Variants in SMG6 observed in about 807,000 individuals in gnomAD.
SMG6 encodes SMG6 nonsense mediated mRNA decay factor, also known as telomerase-binding protein EST1A.
Under a neutral mutation model 142.2 loss-of-function variants are expected in SMG6, and 66 were observed. The ratio of observed to expected loss-of-function variants is 0.46; its 90% CI spans 0.38 to 0.57. The LOEUF (loss-of-function observed/expected upper bound fraction) is 0.57. Ranked by LOEUF, SMG6 falls within the 20% of genes least tolerant of loss-of-function variation. SMG6 has a pLI of 0.00. For synonymous variants in SMG6, 779 were observed against 702.4 expected (o/e 1.11, Z -1.72); for missense variants, 1,793 against 1,832.0 (o/e 0.98, Z 0.39).
intron 8 of SMG6, among the ~76,000 whole-genome samples, chr17:2,275,357 G>A (rs935251382): frequency 2.0e-5 from 3 of 152,158 alleles, no homozygotes; most frequent in African/African-American, 4.8e-5. Context: ...AGGAGGTGGC[G>A]GCTGCAGTGA....
intron 12 of SMG6, among the ~76,000 whole-genome samples, chr17:2,184,959 T>C (rs1470303010): frequency 3.9e-4 from 2 of 5,122 alleles, no homozygotes; most frequent in Admixed American, 5.5e-3. Context: ...GGACTCCATC[T>C]CAAAAAAAAA....
intron 8 of SMG6, among the ~76,000 whole-genome samples, chr17:2,254,198 T>C (rs2074111887): frequency 1.3e-5 from 2 of 152,044 alleles, no homozygotes; most frequent in South Asian, 2.1e-4. Context: ...TCCACCCAAA[T>C]AGTAGGGGAG....
intron 9 of SMG6, among the ~76,000 whole-genome samples, chr17:2,238,032 A>T (rs1004157246): frequency 6.6e-6 from 1 of 152,212 alleles, no homozygotes; most frequent in Middle Eastern, 3.2e-3. Context: ...AAAGATAGAA[A>T]GCAGTTTCAA....
chr17:2,191,781 T>C (rs2072172010), intron 10 of SMG6, among the ~76,000 whole-genome samples: 1 of 152,190 alleles, frequency 6.6e-6, no homozygotes, highest in South Asian at 2.1e-4. Flanking sequence ...CAGGGAGACT[T>C]TCTCGTTTTT....
At chr17:2,185,019 AAC>A (rs1347597787) in intron 12 of SMG6, among the ~76,000 whole-genome samples, 1 of 151,376 alleles carries the variant, frequency 6.6e-6, no homozygotes, top group Non-Finnish European at 1.5e-5. Flanking sequence ...GAGACATGAA[AAC>A]ACAGACATAC....
At chr17:2,262,878 T>C (rs1008763736) in intron 8 of SMG6, among the ~76,000 whole-genome samples, 1 of 152,164 alleles carries the variant, frequency 6.6e-6, no homozygotes, top group African/African-American at 2.4e-5. Flanking sequence ...AGGGAAAAAC[T>C]TGATTTCCTC....
intron 13 of SMG6, among the ~76,000 whole-genome samples, chr17:2,095,549 A>G (rs2068833906): frequency 6.6e-6 from 1 of 152,114 alleles, no homozygotes; most frequent in African/African-American, 2.4e-5. Context: ...AACAAAGGAA[A>G]ATCCCTGTTT....
At chr17:2,136,032 G>GTC (rs1195927204) in intron 13 of SMG6, among the ~76,000 whole-genome samples, 3 of 137,894 alleles carry the variant, frequency 2.2e-5, no homozygotes, top group Non-Finnish European at 4.8e-5. Flanking sequence ...GTGTGTGTGT[G>GTC]TGTGTCTGTG....
At chr17:2,131,293 G>C (rs552143049) in intron 13 of SMG6, among the ~76,000 whole-genome samples, 21 of 140,330 alleles carry the variant, frequency 1.5e-4, no homozygotes, top group African/African-American at 5.4e-4. Context: ...TGCACACTCA[G>C]AAATGATTTT....
At chr17:2,157,531 T>C (rs1418147334) in intron 13 of SMG6, among the ~76,000 whole-genome samples, 2 of 152,084 alleles carry the variant, frequency 1.3e-5, no homozygotes, top group Admixed American at 1.3e-4. Flanking sequence ...GAACCACAAT[T>C]AGAAGCATGC....
In SMG6 at chr17:2,298,828, T is replaced by C. The variant is rs2075202985; in HGVS notation, c.1847+78A>G. 2.1e-6 allele frequency: 3 copies of C among 1,411,044 alleles called. No individual in the cohort carries two copies. In the African/African-American group the frequency reaches 4.3e-5, roughly 20 times the overall value. 87.4% of individuals were successfully genotyped at this position (1,411,044 alleles called of 1,614,324 possible). ...CCCAGTGGCTCAGCTAAAAAGTTTC[T>C]ACCTTCCTCAGCCATAGCAATCTAT... On this transcript the variant is annotated intron_variant, in intron 2 of 18. Coordinates refer to ENST00000263073, the MANE Select transcript of SMG6 (RefSeq NM_017575.5).
intron 6 of SMG6, among the ~76,000 whole-genome samples, chr17:2,291,057 T>C (rs527454793): frequency 4.7e-4 from 72 of 152,098 alleles, no homozygotes; most frequent in African/African-American, 1.4e-3. Context: ...CATGGCCAGG[T>C]GCGGTGGCTC....
At chr17:2,231,874 T>C (rs2073506487) in intron 10 of SMG6, among the ~76,000 whole-genome samples, 2 of 152,072 alleles carry the variant, frequency 1.3e-5, no homozygotes, top group Non-Finnish European at 2.9e-5. Context: ...CAAAGCTAAA[T>C]GGATGTATGT....
At chr17:2,202,126 G>T (rs1305110927) in intron 10 of SMG6, among the ~76,000 whole-genome samples, 1 of 152,214 alleles carries the variant, frequency 6.6e-6, no homozygotes, top group Non-Finnish European at 1.5e-5. Context: ...AATGTTCATA[G>T]CAGTTTTACT....
intron 2 of SMG6, 82 bp downstream of exon 2, chr17:2,298,824 T>C: frequency 7.2e-7 from 1 of 1,384,932 alleles, no homozygotes; most frequent in South Asian, 1.4e-5. Context: ...AGCTAAAAAG[T>C]TTCTACCTTC....
At position 2,300,044 on chromosome 17, in the gene SMG6, T is replaced by G; in HGVS notation, c.709A>C (p.Arg237=). 1.9e-6 allele frequency: 3 copies of G among 1,614,172 alleles called. No homozygotes were observed. The highest frequency in any genetic ancestry group is 2.5e-6 in the Non-Finnish European group (3 of 1,180,026). ...GAGTAGCGCTTTGCGGAGCCCGGCCTCCCGCGGGCTGGGTCGTCGTGGGTT... is the reference window on the plus strand; with the variant it reads ...GAGTAGCGCTTTGCGGAGCCCGGCCGCCCGCGGGCTGGGTCGTCGTGGGTT... The part of the protein sequence containing the change: ...RETHDDPARG[R]PGSAKRYSRS... The change falls in exon 2 of 19, where the codon AGG becomes CGG. Residue 237 remains arginine (R), a synonymous_variant. Transcript: ENST00000263073.
At chr17:2,279,734 T>A (rs889841358) in intron 8 of SMG6, among the ~76,000 whole-genome samples, 3 of 152,122 alleles carry the variant, frequency 2.0e-5, no homozygotes, top group Non-Finnish European at 2.9e-5. Context: ...GAAAGGAACA[T>A]GTCAAGCACG....
At chr17:2,254,661 G>A (rs2074123897) in intron 8 of SMG6, among the ~76,000 whole-genome samples, 1 of 152,094 alleles carries the variant, frequency 6.6e-6, no homozygotes, top group African/African-American at 2.4e-5. Flanking sequence ...AAATCAACAG[G>A]TTGACACAGC....
chr17:2,123,976 GC>G (rs1405906758), intron 13 of SMG6, among the ~76,000 whole-genome samples: 1 of 152,242 alleles, frequency 6.6e-6, no homozygotes, highest in Non-Finnish European at 1.5e-5. Flanking sequence ...TGAGAGGCCA[GC>G]TTCTTGCCTT....
Sources: allele counts gnomAD v4.1 joint callset (sites outside exome capture counted in the v4.1 genomes callset), GRCh38; gene constraint gnomAD v4.1.1; transcripts MANE v1.5; gene names NCBI Gene and HGNC (gene_info 2026-07-23, HGNC 2026-07-21).